Variants in VPS45 observed in about 807,000 individuals in gnomAD.
VPS45 encodes the protein vacuolar protein sorting 45 homolog.
A neutral mutation model predicts 75.9 loss-of-function variants in VPS45; 35 were observed. The ratio of observed to expected loss-of-function variants is 0.46; its 90% CI spans 0.35 to 0.61. The LOEUF is 0.61. VPS45 is among the 20% of genes least tolerant of loss of function. The pLI is 0.00. For missense variants in VPS45, 559 were observed against 685.9 expected, an observed-to-expected ratio of 0.81 and a Z score of 2.07; for synonymous variants, 220 against 238.2, an observed-to-expected ratio of 0.92 and a Z score of 0.70.
In VPS45 at chr1:150,092,336, G is replaced by A. The variant is rs782382781; in HGVS notation, c.1298G>A (p.Arg433Gln). The change falls in exon 12 of 15, where the codon CGA (arginine) becomes CAA (glutamine). Residue 433 changes from arginine (R) to glutamine (Q), a missense_variant. Transcript: ENST00000644510. The part of the protein sequence containing the change: ...VSAVVEYGGK[R>Q]VRGSDLFSPK... ...GCAGTTGTTGAATATGGTGGTAAAC[G>A]AGTCAGAGGAAGTGACCTCTTCAGC... 21 of 1,614,012 alleles carry A rather than the reference G, an allele frequency of 1.3e-5. No individual in the cohort carries two copies. The highest frequency in any genetic ancestry group is 6.7e-5 in the East Asian group (3 of 44,864).
intron 13 of VPS45, among the ~76,000 whole-genome samples, chr1:150,102,246 AAAAAAAAAC>A (rs1290021836): frequency 1.3e-5 from 2 of 149,428 alleles, no homozygotes; most frequent in African/African-American, 5.0e-5. Flanking sequence ...AAAAAAAAAA[AAAAAAAAAC>A]AAACACATGC....
intron 12 of VPS45, among the ~76,000 whole-genome samples, chr1:150,092,793 T>G (rs1339397588): frequency 6.6e-6 from 1 of 151,996 alleles, no homozygotes; most frequent in African/African-American, 2.4e-5. Flanking sequence ...TACTAACCTG[T>G]TTTCTTAAAA....
intron 14 of VPS45, among the ~76,000 whole-genome samples, chr1:150,120,505 TCAC>T (rs1292431738): frequency 1.3e-5 from 2 of 152,098 alleles, no homozygotes; most frequent in African/African-American, 4.8e-5. Context: ...AAGCAAGGAG[TCAC>T]CTGAAGATAT....
intron 14 of VPS45, among the ~76,000 whole-genome samples, chr1:150,120,063 G>A (rs1433930710): frequency 5.9e-5 from 9 of 152,052 alleles, no homozygotes; most frequent in African/African-American, 1.2e-4. Flanking sequence ...AGCTGAGATC[G>A]CGCCATCGCA....
chr1:150,082,991 C>A, intron 10 of VPS45, 108 bp downstream of exon 10: 2 of 1,127,394 alleles, frequency 1.8e-6, no homozygotes, highest in Non-Finnish European at 2.5e-6. Flanking sequence ...TTTAGTCCAA[C>A]AAGGAGCTGA....
At chr1:150,122,770 G>A (rs1206572247) in intron 14 of VPS45, among the ~76,000 whole-genome samples, 2 of 151,772 alleles carry the variant, frequency 1.3e-5, no homozygotes, top group Admixed American at 6.6e-5. Context: ...AGGCTGAGGC[G>A]GGTGGATCAC....
At chr1:150,142,401 C>G (rs1553815501) in intron 14 of VPS45, among the ~76,000 whole-genome samples, 1 of 152,202 alleles carries the variant, frequency 6.6e-6, no homozygotes, top group Non-Finnish European at 1.5e-5. Context: ...TCTAGTCCAA[C>G]TGGCCAAAAA....
chr1:150,085,470 T>C (rs1655954221), intron 10 of VPS45, among the ~76,000 whole-genome samples: 1 of 152,166 alleles, frequency 6.6e-6, no homozygotes, highest in South Asian at 2.1e-4. Context: ...AACTTATCTT[T>C]TGAAGGTTTT....
At chr1:150,140,385 TG>T (rs1489651438) in intron 14 of VPS45, among the ~76,000 whole-genome samples, 1 of 103,794 alleles carries the variant, frequency 9.6e-6, no homozygotes, top group Non-Finnish European at 2.0e-5. Context: ...CCATCACTTC[TG>T]GTGTGTGTGT....
Position 150,068,685 on chromosome 1 carries a change from A to C in VPS45, c.149A>C (p.Tyr50Ser), listed in dbSNP as rs374174750. Residue 50 changes from tyrosine (Y) to serine (S), a missense_variant, in exon 2 of 15, where the codon TAC (tyrosine) becomes TCC (serine). Tyr to Ser is a moderately radical substitution (Grantham distance 144). Coordinates refer to ENST00000644510, the MANE Select transcript of VPS45 (RefSeq NM_007259.5). Reference protein sequence around the residue: ...TQSEILQKEVYLFERIDSQNR... With the variant: ...TQSEILQKEVSLFERIDSQNR... ...TCGGAGATTCTACAGAAGGAAGTGT[A>C]CCTCTTTGAACGCATTGATTCTCAA... 1.2e-6 allele frequency: 2 copies of C among 1,613,098 alleles called. No homozygotes were observed. The highest frequency in any genetic ancestry group is 2.2e-5 in the South Asian group (2 of 90,910).
At chr1:150,116,011 A>G (rs1657913445) in intron 14 of VPS45, among the ~76,000 whole-genome samples, 1 of 152,224 alleles carries the variant, frequency 6.6e-6, no homozygotes, top group Non-Finnish European at 1.5e-5. Context: ...AAGAAGTTAG[A>G]TATTCATTTA....
intron 7 of VPS45, among the ~76,000 whole-genome samples, chr1:150,078,256 T>A (rs1553798579): frequency 6.6e-6 from 1 of 152,216 alleles, no homozygotes; most frequent in Non-Finnish European, 1.5e-5. Flanking sequence ...CCCATTTGCC[T>A]ACTAGGTTAA....
chr1:150,130,868 A>G (rs56696553), intron 14 of VPS45, among the ~76,000 whole-genome samples: 3,281 of 152,310 alleles, frequency 0.022, 97 homozygotes, highest in African/African-American at 0.074. Flanking sequence ...TTCATTACAT[A>G]TATTATCTCA....
At position 150,117,524 on chromosome 1, in the gene VPS45, A is replaced by AAAAT. The variant is rs587679181; in HGVS notation, c.1625+6916_1625+6919dup. Reference sequence around the variant, plus strand: ...GCAGCAAGAGTGAGACTCTGTCTCAAAAATAAATAAATAAATAAATAAGTA... The same window carrying AAAAT: ...GCAGCAAGAGTGAGACTCTGTCTCAAAAATAAATAAATAAATAAATAAATAAGTA... On this transcript the variant is annotated intron_variant, in intron 14 of 14. Coordinates refer to ENST00000644510, the MANE Select transcript of VPS45 (RefSeq NM_007259.5). Among the ~76,000 whole-genome samples the AAAAT allele has an allele frequency of 8.0e-3, 1,209 of 151,016 alleles. 6 individuals carry two copies. The highest frequency in any genetic ancestry group is 0.012 in the Non-Finnish European group (794 of 67,814).
At chr1:150,094,532 T>C (rs1358617529) in intron 13 of VPS45, among the ~76,000 whole-genome samples, 1 of 94,310 alleles carries the variant, frequency 1.1e-5, no homozygotes, top group Non-Finnish European at 2.1e-5. Flanking sequence ...TTTCTGTAAT[T>C]TGGTACAGAA....
At chr1:150,113,459 A>C (rs1657752861) in intron 14 of VPS45, among the ~76,000 whole-genome samples, 1 of 152,178 alleles carries the variant, frequency 6.6e-6, no homozygotes, top group African/African-American at 2.4e-5. Flanking sequence ...ATGATCAAGA[A>C]ATAGCACATT....
At chr1:150,067,728 G>A (rs1553796125), upstream of VPS45, 4 of 835,658 alleles carry the variant, frequency 4.8e-6, no homozygotes, top group Non-Finnish European at 7.9e-6. Flanking sequence ...CCAGCACCGT[G>A]GCTGCCCGGA....
At chr1:150,104,900 G>A (rs587683891) in intron 13 of VPS45, among the ~76,000 whole-genome samples, 23 of 152,184 alleles carry the variant, frequency 1.5e-4, no homozygotes, top group South Asian at 4.1e-4. Context: ...GCCTTTTTTC[G>A]TTGTTGTTTT....
Position 150,093,523 on chromosome 1 carries a change from T to C in VPS45, c.1372-4T>C, listed in dbSNP as rs782736603. 8 of 1,611,424 alleles carry C rather than the reference T, an allele frequency of 5.0e-6. No homozygotes were observed. The highest frequency in any genetic ancestry group is 6.8e-6 in the Non-Finnish European group (8 of 1,178,982). ...GACATAAGAACCATTTTCCCCTGTT[T>C]TAGGGAGTAGAAAATGTATATACAC... On this transcript the variant is annotated splice_polypyrimidine_tract_variant and splice_region_variant and intron_variant, in intron 12 of 14. Coordinates refer to ENST00000644510, the MANE Select transcript of VPS45 (RefSeq NM_007259.5).
Sources: gnomAD v4.1 joint callset for allele counts (sites outside exome capture counted in the v4.1 genomes callset) on GRCh38, gnomAD v4.1.1 for gene constraint, MANE v1.5 for transcripts, NCBI Gene and HGNC (gene_info 2026-07-23, HGNC 2026-07-21) for gene names.